The following BRPF3 variants were observed in gnomAD, a reference collection of about 807,000 sequenced individuals.
BRPF3 encodes the protein bromodomain and PHD finger containing 3.
Under a neutral mutation model 102.0 loss-of-function variants are expected in BRPF3, and 18 were observed. That is an observed-to-expected ratio of 0.18 (90% CI 0.12 to 0.26). The LOEUF (loss-of-function observed/expected upper bound fraction) is 0.26, where lower values mean the gene tolerates loss of function less well. Ranked by LOEUF, BRPF3 falls within the 10% of genes least tolerant of loss-of-function variation. The pLI is 1.00. For missense variants in BRPF3, 1,147 were observed against 1,567.8 expected, an observed-to-expected ratio of 0.73 and a Z score of 4.53; for synonymous variants, 570 against 614.2, an observed-to-expected ratio of 0.93 and a Z score of 1.06.
At chr6:36,217,025 G>A (rs1028879002) in intron 8 of BRPF3, among the ~76,000 whole-genome samples, 7 of 152,124 alleles carry the variant, frequency 4.6e-5, no homozygotes, top group African/African-American at 1.4e-4. Context: ...GCAACAGAGC[G>A]AGACCCTATC....
chr6:36,200,200 GAA>G lies in BRPF3; in HGVS notation c.-26-94_-26-93del. On this transcript the variant is annotated intron_variant, in intron 1 of 12. Coordinates refer to ENST00000357641, the MANE Select transcript of BRPF3 (RefSeq NM_015695.3). This position sits in a 1 kb window ranked among gnomAD's most constrained non-coding sequence, Gnocchi z 5.3. The stretch of plus-strand genomic sequence containing the variant: ...GAGGGGCAAGTTGTTCAGACAGAGG[GAA>G]AAGCCAGTCCTCTTGGTGGATGCTT... The G allele has an allele frequency of 7.2e-7, 1 of 1,397,592 alleles. No homozygotes were observed. Among genetic ancestry groups the G allele is most frequent in the African/African-American group, 1.4e-5 (1 of 68,978 alleles). The allele number at this position is 1,397,592 out of a possible 1,614,324, so 86.6% of individuals were successfully genotyped here. A position where few individuals can be genotyped will look rare whatever the true frequency, so the allele number is the denominator to read the frequency against.
rs1768561814 is a variant in BRPF3, at chr6:36,222,021, A to G, written c.3084-147A>G. On this transcript the variant is annotated intron_variant, in intron 9 of 12. Coordinates refer to ENST00000357641, the MANE Select transcript of BRPF3 (RefSeq NM_015695.3). The stretch of plus-strand genomic sequence containing the variant: ...TCAGTCAAAAACATGGGTTAGTGTG[A>G]GTTTTTAGGGGAAGGTGAGAAACTG... 4 of 722,172 alleles carry G rather than the reference A, an allele frequency of 5.5e-6. No individual in the cohort carries two copies. In the Admixed American group the frequency reaches 7.9e-5, roughly 14 times the overall value. 44.7% of individuals were successfully genotyped at this position (722,172 alleles called of 1,614,324 possible). A position where few individuals can be genotyped will look rare whatever the true frequency, so the allele number is the denominator to read the frequency against.
In BRPF3 at chr6:36,201,806, G is replaced by A; in HGVS notation, c.1448+36G>A. On this transcript the variant is annotated intron_variant, in intron 2 of 12. Transcript: ENST00000357641. The surrounding 1 kb of genome is among the most constrained non-coding windows in gnomAD (Gnocchi z 5.1). ...CCAGAAGGGCTCCTTAGGGACTCAT[G>A]GTTTCTTCTTGGGTTGGTGTTGGCC... 6.5e-7 allele frequency: 1 copy of A among 1,547,260 alleles called. No homozygotes were observed. Among genetic ancestry groups the A allele is most frequent in the Non-Finnish European group, 8.7e-7 (1 of 1,148,670 alleles).
rs1356590847 is a variant in BRPF3 at position 36,201,455 on chromosome 6, G to T, written c.1133G>T (p.Arg378Leu). ...TSLNGTIFTV[R>L]KTAYCEAHSP... Reference sequence around the variant, plus strand: ...CTCAATGGCACCATCTTTACAGTGCGCAAGACTGCCTACTGTGAGGCCCAC... The same window carrying T: ...CTCAATGGCACCATCTTTACAGTGCTCAAGACTGCCTACTGTGAGGCCCAC... Residue 378 changes from arginine to leucine, a missense_variant, in exon 2 of 13, where the codon CGC (arginine) becomes CTC (leucine). Physicochemically the swap from Arg to Leu is moderately radical, Grantham distance 102 (BLOSUM62 -2). Transcript: ENST00000357641. This position sits in a 1 kb window ranked among gnomAD's most constrained non-coding sequence, Gnocchi z 5.1. The T allele has an allele frequency of 6.2e-7, 1 of 1,614,182 alleles. No homozygotes were observed. The highest frequency in any genetic ancestry group is 1.7e-5 in the Admixed American group (1 of 60,020).
At chr6:36,208,733 A>G (rs1000673404) in intron 4 of BRPF3, among the ~76,000 whole-genome samples, 1 of 152,342 alleles carries the variant, frequency 6.6e-6, no homozygotes, top group South Asian at 2.1e-4. Flanking sequence ...GAAATGAGAG[A>G]GAGAAGAAGG....
chr6:36,210,426 GC>G lies in BRPF3; in HGVS notation c.2080del (p.Arg694GlyfsTer52). ...CCTGGGAGGGGCCATCCTACGGCAC[GC>G]CCGGCGGCAGGCAGAGAACATCGGC... Reference protein sequence around the residue: ...RDLGGAILRHARRQAENIGYD... With the variant: ...RDLGGAILRHXRRQAENIGYD... On this transcript the variant is annotated frameshift_variant, in exon 6 of 13. Coordinates refer to ENST00000357641, the MANE Select transcript of BRPF3 (RefSeq NM_015695.3). LOFTEE classifies it high-confidence loss of function. This position sits in a 1 kb window ranked among gnomAD's most constrained non-coding sequence, Gnocchi z 4.7. 1 of 1,613,440 alleles carries G rather than the reference GC, an allele frequency of 6.2e-7. No homozygotes were observed. Among genetic ancestry groups the G allele is most frequent in the Non-Finnish European group, 8.5e-7 (1 of 1,180,030 alleles).
At chr6:36,204,094 AT>A (rs201874571) in intron 2 of BRPF3, among the ~76,000 whole-genome samples, 4 of 149,682 alleles carry the variant, frequency 2.7e-5, no homozygotes, top group Admixed American at 6.7e-5. Context: ...TTTAGATCCA[AT>A]TTTTTTTTTC....
chr6:36,216,526 A>T lies in BRPF3; in HGVS notation c.2990-1391A>T, dbSNP rs886901925. On this transcript the variant is annotated intron_variant, in intron 8 of 12. Coordinates refer to ENST00000357641, the MANE Select transcript of BRPF3 (RefSeq NM_015695.3). ...CGTAAGTGAGGCACCCAAGACACAG[A>T]TGGCTTCAGTGATTTAAATTGTGGT... 1.5e-4 allele frequency among the ~76,000 whole-genome samples: 23 copies of T among 152,202 alleles called. 1 individual carries two copies. Among genetic ancestry groups the T allele is most frequent in the Non-Finnish European group, 1.3e-4 (9 of 68,030 alleles).
At position 36,201,121 on chromosome 6, in the gene BRPF3, G is replaced by C; in HGVS notation, c.799G>C (p.Val267Leu). Reference sequence around the variant, plus strand: ...CTGCCTGCAGTCTCCCTCCCGGCCTGTGGATTGCATCCTTTGCCCCAATAA... The same window carrying C: ...CTGCCTGCAGTCTCCCTCCCGGCCTCTGGATTGCATCCTTTGCCCCAATAA... ...RCCLQSPSRPVDCILCPNKGG... is the reference protein window; with the variant it reads ...RCCLQSPSRPLDCILCPNKGG... Residue 267 changes from valine (V) to leucine (L), a missense_variant, in exon 2 of 13, where the codon GTG becomes CTG. This residue lies in a region of BRPF3 where 221 missense variants were observed against 337.1 expected (regional missense o/e 0.66). Transcript: ENST00000357641. This position sits in a 1 kb window ranked among gnomAD's most constrained non-coding sequence, Gnocchi z 5.1. The C allele has an allele frequency of 6.2e-7, 1 of 1,614,178 alleles. No individual in the cohort carries two copies. The highest frequency in any genetic ancestry group is 8.5e-7 in the Non-Finnish European group (1 of 1,180,022).
intron 8 of BRPF3, among the ~76,000 whole-genome samples, chr6:36,215,453 A>T (rs1389796725): frequency 6.6e-6 from 1 of 152,238 alleles, no homozygotes; most frequent in Non-Finnish European, 1.5e-5. Context: ...AGTCATGAGT[A>T]GCTGTGAGGA....
At chr6:36,215,356 C>T (rs560332938) in intron 8 of BRPF3, among the ~76,000 whole-genome samples, 39 of 152,208 alleles carry the variant, frequency 2.6e-4, no homozygotes, top group African/African-American at 8.9e-4. Flanking sequence ...GTGATTTGCC[C>T]GCCTCAGCCT....
intron 8 of BRPF3, 152 bp downstream of exon 8, chr6:36,214,538 G>A: frequency 5.3e-6 from 5 of 949,106 alleles, no homozygotes; most frequent in Non-Finnish European, 7.5e-6. Flanking sequence ...GTTGGGCCTG[G>A]CATGTTAGTA....
At chr6:36,223,588 C>T (rs1768626327) in intron 10 of BRPF3, among the ~76,000 whole-genome samples, 1 of 152,174 alleles carries the variant, frequency 6.6e-6, no homozygotes, top group South Asian at 2.1e-4. Flanking sequence ...CAAACACATG[C>T]ACTTTTGTAT....
At position 36,210,607 on chromosome 6, in the gene BRPF3, G is replaced by C; in HGVS notation, c.2179+79G>C. 1.4e-6 allele frequency: 2 copies of C among 1,399,846 alleles called. No homozygotes were observed. Among genetic ancestry groups the C allele is most frequent in the Non-Finnish European group, 1.9e-6 (2 of 1,041,606 alleles). The allele number at this position is 1,399,846 out of a possible 1,614,324, so 86.7% of individuals were successfully genotyped here. A position where few individuals can be genotyped will look rare whatever the true frequency, so the allele number is the denominator to read the frequency against. The stretch of plus-strand genomic sequence containing the variant: ...AGAGTCTACAGAGTGAGGGATCAGG[G>C]TGGTCCTTGGGGCTATAGGTAGACT... On this transcript the variant is annotated intron_variant, in intron 6 of 12. Transcript: ENST00000357641. The surrounding 1 kb of genome is among the most constrained non-coding windows in gnomAD (Gnocchi z 4.7).
chr6:36,213,656 T>C (rs1261042375), intron 7 of BRPF3, among the ~76,000 whole-genome samples: 1 of 151,142 alleles, frequency 6.6e-6, no homozygotes, highest in Non-Finnish European at 1.5e-5. Context: ...TGAGCTGTGA[T>C]CAGACCACTG....
chr6:36,201,687 G>A lies in BRPF3; in HGVS notation c.1365G>A (p.Lys455=). 1 of 1,614,184 alleles carries A rather than the reference G, an allele frequency of 6.2e-7. No homozygotes were observed. Residue 455 remains lysine (K), a synonymous_variant, in exon 2 of 13, where the codon AAG becomes AAA. Coordinates refer to ENST00000357641, the MANE Select transcript of BRPF3 (RefSeq NM_015695.3). This position sits in a 1 kb window ranked among gnomAD's most constrained non-coding sequence, Gnocchi z 5.1. ...PKKSKMSLKQ[K]IKKEPEEAGQ... is the part of the protein sequence containing the mutation. Reference sequence around the variant, plus strand: ...AAAGCAAGATGAGTTTGAAGCAGAAGATCAAGAAGGAGCCAGAGGAAGCAG... The same window carrying A: ...AAAGCAAGATGAGTTTGAAGCAGAAAATCAAGAAGGAGCCAGAGGAAGCAG...
Position 36,201,564 on chromosome 6 carries a change from G to T in BRPF3, c.1242G>T (p.Lys414Asn), listed in dbSNP as rs373444225. 2.5e-6 allele frequency: 4 copies of T among 1,613,888 alleles called. No homozygotes were observed. The highest frequency in any genetic ancestry group is 8.5e-7 in the Non-Finnish European group (1 of 1,179,928). ...AGACTGGCGATGAGGAAGGGCTGAA[G>T]GAGGGTGATGGAGAGGAGGAAGAAG... Reference protein sequence around the residue: ...ISETGDEEGLKEGDGEEEEEE... With the variant: ...ISETGDEEGLNEGDGEEEEEE... Residue 414 changes from lysine (K) to asparagine (N), a missense_variant, in exon 2 of 13, where the codon AAG (lysine) becomes AAT (asparagine). Physicochemically the swap from Lys to Asn is moderately conservative, Grantham distance 94. Transcript: ENST00000357641. This position sits in a 1 kb window ranked among gnomAD's most constrained non-coding sequence, Gnocchi z 5.1.
At chr6:36,218,742 A>G (rs1768425084) in intron 9 of BRPF3, among the ~76,000 whole-genome samples, 1 of 152,180 alleles carries the variant, frequency 6.6e-6, no homozygotes, top group Non-Finnish European at 1.5e-5. Context: ...TACAGGCGTG[A>G]GCCACTGCGC....
At chr6:36,206,636 G>A (rs1581953692) in intron 3 of BRPF3, among the ~76,000 whole-genome samples, 1 of 152,230 alleles carries the variant, frequency 6.6e-6, no homozygotes, top group East Asian at 1.9e-4. Context: ...TTCCAGAAGA[G>A]ACCTTCCTTA....
Sources: gnomAD v4.1 joint callset for allele counts (sites outside exome capture counted in the v4.1 genomes callset) on GRCh38, gnomAD v4.1.1 for gene constraint, gnomAD v4.1.1 regional missense constraint, Gnocchi (gnomAD v3.1) non-coding constraint, MANE v1.5 for transcripts, NCBI Gene and HGNC (gene_info 2026-07-23, HGNC 2026-07-21) for gene names.